STK31: variants seen among roughly 807,000 people sequenced by gnomAD.
STK31 encodes serine/threonine kinase 31.
Under a neutral mutation model 129.7 loss-of-function variants are expected in STK31, and 89 were observed. That is an observed-to-expected ratio of 0.69 (90% confidence interval 0.58 to 0.82). STK31 has a LOEUF of 0.82. Ranked by LOEUF, STK31 falls within the 40% of genes least tolerant of loss-of-function variation. STK31 has a pLI of 0.00. For missense variants in STK31, 1,187 were observed against 1,176.4 expected (o/e 1.01, Z -0.13); for synonymous variants, 448 against 395.3 (o/e 1.13, Z -1.58).
intron 6 of STK31, among the ~76,000 whole-genome samples, chr7:23,734,791 C>T (rs1472987246): frequency 6.6e-6 from 1 of 152,054 alleles, no homozygotes; most frequent in Non-Finnish European, 1.5e-5. Flanking sequence ...ACGGTGAAAC[C>T]CCATCTCTAC....
At chr7:23,722,499 TG>T (rs1786774224) in intron 4 of STK31, 1 of 152,696 alleles carries the variant, frequency 6.5e-6, no homozygotes, top group Non-Finnish European at 1.5e-5. Context: ...CTGCCCCTAC[TG>T]GGGGGTGCCT....
intron 8 of STK31, among the ~76,000 whole-genome samples, chr7:23,745,606 T>C (rs1049896861): frequency 1.3e-5 from 2 of 152,302 alleles, no homozygotes; most frequent in East Asian, 1.9e-4. Context: ...TCACTGTAAA[T>C]GGCTCACACT....
chr7:23,747,751 G>A (rs1015921553), intron 8 of STK31, among the ~76,000 whole-genome samples: 1 of 152,088 alleles, frequency 6.6e-6, no homozygotes, highest in Non-Finnish European at 1.5e-5. Context: ...CAAATTTGTG[G>A]GACTTGAGTT....
chr7:23,726,909 A>G (rs982573407), intron 4 of STK31, among the ~76,000 whole-genome samples: 4 of 152,136 alleles, frequency 2.6e-5, no homozygotes, highest in Non-Finnish European at 4.4e-5. Flanking sequence ...CTCAGATATT[A>G]TAATAGTGTG....
chr7:23,737,346 T>C (rs1787778354), intron 8 of STK31, among the ~76,000 whole-genome samples: 1 of 152,228 alleles, frequency 6.6e-6, no homozygotes, highest in Non-Finnish European at 1.5e-5. Flanking sequence ...TTTTCAAACA[T>C]TCTAAAAGGA....
At chr7:23,787,018 TA>T (rs1791327043) in intron 20 of STK31, 94 bp downstream of exon 20, 5 of 1,273,734 alleles carry the variant, frequency 3.9e-6, no homozygotes, top group Non-Finnish European at 5.5e-6. Context: ...ATGTATTTTG[TA>T]AAATTTTGAC....
chr7:23,723,315 A>G (rs1431721614), intron 4 of STK31, among the ~76,000 whole-genome samples: 2 of 152,188 alleles, frequency 1.3e-5, no homozygotes, highest in African/African-American at 2.4e-5. Flanking sequence ...AAGTGTCTCT[A>G]TATGATTCCT....
At chr7:23,810,617 T>A (rs74216648) in intron 22 of STK31, among the ~76,000 whole-genome samples, 159 of 131,290 alleles carry the variant, frequency 1.2e-3, no homozygotes, top group African/African-American at 4.1e-3. Context: ...TATATATATA[T>A]AATATATATA....
intron 15 of STK31, among the ~76,000 whole-genome samples, chr7:23,775,360 G>T (rs1344290699): frequency 6.6e-6 from 1 of 152,120 alleles, no homozygotes; most frequent in Non-Finnish European, 1.5e-5. Context: ...AAAAAATTCT[G>T]TGCAGAAATT....
intron 22 of STK31, among the ~76,000 whole-genome samples, chr7:23,814,374 C>G (rs1452556325): frequency 6.6e-6 from 1 of 151,750 alleles, no homozygotes; most frequent in Non-Finnish European, 1.5e-5. Flanking sequence ...ATGGGTGGAA[C>G]TTATTTGGAT....
intron 14 of STK31, chr7:23,771,373 T>C (rs1018435061): frequency 1.1e-5 from 3 of 270,952 alleles, no homozygotes; most frequent in Non-Finnish European, 2.0e-5. Flanking sequence ...GAGTCTACTG[T>C]AGATAATTTG....
chr7:23,826,687 C>A (rs1304669012), intron 23 of STK31, among the ~76,000 whole-genome samples: 1 of 152,126 alleles, frequency 6.6e-6, no homozygotes, highest in Non-Finnish European at 1.5e-5. Flanking sequence ...CAGTTTCTTC[C>A]TAGCCTTGAT....
intron 1 of STK31, 156 bp downstream of exon 1, chr7:23,710,491 C>G: frequency 1.3e-6 from 2 of 1,502,604 alleles, no homozygotes; most frequent in Non-Finnish European, 1.8e-6. Context: ...GTGCCAGATG[C>G]CCCAGTTTTT....
At chr7:23,791,264 A>G (rs1791596454) in intron 22 of STK31, 1 of 985,186 alleles carries the variant, frequency 1.0e-6, no homozygotes, top group Non-Finnish European at 1.2e-6. Context: ...AGCCTTGGGT[A>G]TATTCCTGCT....
At chr7:23,728,403 T>TA (rs1436018108) in intron 5 of STK31, among the ~76,000 whole-genome samples, 1 of 152,196 alleles carries the variant, frequency 6.6e-6, no homozygotes, top group Non-Finnish European at 1.5e-5. Flanking sequence ...TAGCTTGGTT[T>TA]AAAAAAATTT....
At chr7:23,752,350 ATTTTT>A (rs140189040) in intron 8 of STK31, among the ~76,000 whole-genome samples, 1 of 140,772 alleles carries the variant, frequency 7.1e-6, no homozygotes. Context: ...CAAATTTGGA[ATTTTT>A]TTTTTTTTTT....
chr7:23,731,715 C>T lies in STK31; in HGVS notation c.483+2466C>T, dbSNP rs558304433. 3.3e-5 allele frequency among the ~76,000 whole-genome samples: 5 copies of T among 152,120 alleles called. No individual in the cohort carries two copies. In the South Asian group the frequency reaches 6.2e-4, roughly 19 times the overall value. On this transcript the variant is annotated intron_variant, in intron 6 of 23. Coordinates refer to ENST00000355870, the MANE Select transcript of STK31 (RefSeq NM_031414.5). ...CTCAGAATGGTAGTTTGCTGAAGATCGAGAGAATATTACATTACTAGTCCT... is the reference window on the plus strand; with the variant it reads ...CTCAGAATGGTAGTTTGCTGAAGATTGAGAGAATATTACATTACTAGTCCT...
intron 8 of STK31, among the ~76,000 whole-genome samples, chr7:23,748,219 G>T (rs1041041696): frequency 8.5e-5 from 13 of 152,054 alleles, no homozygotes; most frequent in Admixed American, 8.5e-4. Flanking sequence ...TATTAGTAAT[G>T]TTGGTTAATC....
At chr7:23,718,350 A>G (rs1037761124) in intron 4 of STK31, among the ~76,000 whole-genome samples, 3 of 152,134 alleles carry the variant, frequency 2.0e-5, no homozygotes, top group Admixed American at 1.3e-4. Context: ...ACTGAGTTAT[A>G]ACTTGTATAC....
Sources: allele counts gnomAD v4.1 joint callset (sites outside exome capture counted in the v4.1 genomes callset), GRCh38; gene constraint gnomAD v4.1.1; transcripts MANE v1.5; gene names NCBI Gene and HGNC (gene_info 2026-07-23, HGNC 2026-07-21).